Variants in DYM observed in about 807,000 individuals in gnomAD.
DYM encodes dyggve-Melchior-Clausen syndrome protein.
A neutral mutation model predicts 93.1 loss-of-function variants in DYM; 78 were observed. The observed-to-expected ratio is 0.84, with a 90% CI of 0.70 to 1.01. The LOEUF (loss-of-function observed/expected upper bound fraction) is 1.01. DYM is among the 50% of genes least tolerant of loss of function. The pLI is 0.00. For synonymous variants in DYM, 321 were observed against 319.7 expected, an observed-to-expected ratio of 1.00 and a Z score of -0.04; for missense variants, 789 against 845.0, an observed-to-expected ratio of 0.93 and a Z score of 0.82.
In DYM at chr18:49,421,147, T is replaced by C. The variant is rs571658307; in HGVS notation, c.140+9108A>G. On this transcript the variant is annotated intron_variant, in intron 2 of 17. Coordinates refer to ENST00000675505, the MANE Select transcript of DYM (RefSeq NM_001353214.3). ...CCATGTCTGACAGCTTTGAAGAGAG[T>C]AGTGGTTCTCCCAGCACGGAGTTTG... Among the ~76,000 whole-genome samples the C allele has an allele frequency of 4.4e-4, 67 of 152,006 alleles. 4 individuals are homozygous for C. The South Asian group carries it at 0.013, about 30-fold the overall frequency.
At chr18:49,402,697 C>G (rs1017383873) in intron 2 of DYM, among the ~76,000 whole-genome samples, 1 of 152,178 alleles carries the variant, frequency 6.6e-6, no homozygotes, top group East Asian at 1.9e-4. Context: ...TCTCTGCACC[C>G]ACTGGATTCA....
intron 16 of DYM, among the ~76,000 whole-genome samples, chr18:49,112,994 C>T (rs918750203): frequency 4.7e-5 from 7 of 149,900 alleles, no homozygotes; most frequent in Non-Finnish European, 8.9e-5. Flanking sequence ...CTTTCTTACT[C>T]TTTTTTTTTT....
rs759590893 is a variant in DYM, at chr18:49,041,279, C to T, written c.*2776G>A. On this transcript the variant is annotated 3_prime_UTR_variant, in exon 18 of 18. Transcript: ENST00000675505. Reference sequence around the variant, plus strand: ...AAGATGCTATTGAAAGGGACAAATTCTTTTAAAAGTAAATATTGTGGCAGA... The same window carrying T: ...AAGATGCTATTGAAAGGGACAAATTTTTTTAAAAGTAAATATTGTGGCAGA... Among the ~76,000 whole-genome samples the T allele has an allele frequency of 7.9e-5, 12 of 152,182 alleles. No homozygotes were observed. The highest frequency in any genetic ancestry group is 2.6e-4 in the Admixed American group (4 of 15,274).
Position 49,272,247 on chromosome 18 carries a change from C to A in DYM, c.1182G>T (p.Val394=), listed in dbSNP as rs866648614. 4.4e-6 allele frequency: 7 copies of A among 1,597,366 alleles called. No individual in the cohort carries two copies. Among genetic ancestry groups the A allele is most frequent in the African/African-American group, 1.3e-5 (1 of 74,682 alleles). Residue 394 remains valine (V), a synonymous_variant, in exon 11 of 18, where the codon GTG becomes GTT. Transcript: ENST00000675505. The stretch of plus-strand genomic sequence containing the variant: ...TCAACAATATTATAAGGGCCATATA[C>A]ACATGGTGTGAATTCCTTTCTTCAA... ...YHVEERNSHH[V]YMALIILLIL... is the part of the protein sequence containing the mutation.
rs61299099 is a variant in DYM at position 49,166,989 on chromosome 18, CGTGTGTGTGTGTGTGTGTGTGTGTGT to C, written c.1626-3228_1626-3203del. ...ACCTGGGATGTTCATTCTCACATTC[CGTGTGTGTGTGTGTGTGTGTGTGTGT>C]GTGTGTGTGTGTGTGTGTGCGCGCC... On this transcript the variant is annotated intron_variant, in intron 14 of 17. Transcript: ENST00000675505. 2.5e-3 allele frequency among the ~76,000 whole-genome samples: 361 copies of C among 142,028 alleles called. 5 individuals carry two copies. The highest frequency in any genetic ancestry group is 1.8e-3 in the Non-Finnish European group (118 of 65,244). 93.2% of individuals were successfully genotyped at this position (142,028 alleles called of 152,430 possible). A position where few individuals can be genotyped will look rare whatever the true frequency, so the allele number is the denominator to read the frequency against.
At chr18:49,220,777 CG>C (rs2093318323) in intron 13 of DYM, among the ~76,000 whole-genome samples, 1 of 152,098 alleles carries the variant, frequency 6.6e-6, no homozygotes, top group Non-Finnish European at 1.5e-5. Flanking sequence ...AAGACTTAAA[CG>C]TTTGACCTAA....
intron 8 of DYM, among the ~76,000 whole-genome samples, chr18:49,298,000 T>C (rs1347659648): frequency 1.3e-5 from 2 of 152,206 alleles, no homozygotes; most frequent in African/African-American, 4.8e-5. Context: ...AATCATGTTA[T>C]AATGCTAGGA....
chr18:49,123,345 A>G (rs1003147220), intron 15 of DYM, among the ~76,000 whole-genome samples: 11 of 152,210 alleles, frequency 7.2e-5, no homozygotes, highest in African/African-American at 2.7e-4. Flanking sequence ...CTGCAATCAT[A>G]CTAAAGACAG....
intron 8 of DYM, among the ~76,000 whole-genome samples, chr18:49,292,356 A>G (rs1227792378): frequency 6.5e-5 from 1 of 15,326 alleles, no homozygotes; most frequent in South Asian, 1.4e-3. Flanking sequence ...AGACAGACAG[A>G]CACACACACA....
At chr18:49,376,692 G>A (rs758472206) in intron 5 of DYM, among the ~76,000 whole-genome samples, 1 of 152,212 alleles carries the variant, frequency 6.6e-6, no homozygotes, top group Admixed American at 6.5e-5. Flanking sequence ...TTACAGAAAT[G>A]AAAGGCGATA....
At chr18:49,304,812 T>C (rs556873746) in intron 8 of DYM, among the ~76,000 whole-genome samples, 45 of 152,262 alleles carry the variant, frequency 3.0e-4, no homozygotes, top group African/African-American at 1.1e-3. Flanking sequence ...ACTACTCCCG[T>C]GCTCATTTTG....
intron 2 of DYM, among the ~76,000 whole-genome samples, chr18:49,421,211 C>T (rs1420332935): frequency 6.6e-6 from 1 of 152,174 alleles, no homozygotes; most frequent in Non-Finnish European, 1.5e-5. Context: ...CAAGTGGGTC[C>T]CTGACCCCTG....
In DYM at chr18:49,118,994, A is replaced by C. The variant is rs1264491570; in HGVS notation, c.1729-68T>G. 4.5e-6 allele frequency: 6 copies of C among 1,335,204 alleles called. No homozygotes were observed. The African/African-American group carries it at 8.7e-5, about 19-fold the overall frequency. 82.7% of individuals were successfully genotyped at this position (1,335,204 alleles called of 1,614,324 possible). On this transcript the variant is annotated intron_variant, in intron 15 of 17. Coordinates refer to ENST00000675505, the MANE Select transcript of DYM (RefSeq NM_001353214.3). ...TCCTTGCAACAGAATTAATGAAAAT[A>C]AGAGTAATTCCCTCAAAATTATAAC... is the stretch of plus-strand genomic sequence containing the variant.
intron 14 of DYM, among the ~76,000 whole-genome samples, chr18:49,171,441 G>A (rs1393198191): frequency 6.6e-6 from 1 of 152,090 alleles, no homozygotes; most frequent in African/African-American, 2.4e-5. Context: ...AAAGACCTGG[G>A]AGCAGATGAT....
At chr18:49,434,281 A>C (rs1000187023) in intron 1 of DYM, among the ~76,000 whole-genome samples, 4 of 150,998 alleles carry the variant, frequency 2.6e-5, no homozygotes, top group African/African-American at 9.8e-5. Flanking sequence ...TGGGAGGTGG[A>C]GGTTGCAGTG....
At chr18:49,123,689 C>G (rs1290872410) in intron 15 of DYM, among the ~76,000 whole-genome samples, 3 of 152,088 alleles carry the variant, frequency 2.0e-5, no homozygotes, top group African/African-American at 7.2e-5. Flanking sequence ...AAAATGTTTT[C>G]TTTTTATGAT....
At chr18:49,075,502 G>A (rs573931207) in intron 17 of DYM, among the ~76,000 whole-genome samples, 6 of 152,338 alleles carry the variant, frequency 3.9e-5, no homozygotes, top group Middle Eastern at 3.4e-3. Flanking sequence ...TGGAGCCAAG[G>A]AAATGTAGGG....
intron 14 of DYM, among the ~76,000 whole-genome samples, chr18:49,170,254 A>T (rs1275945691): frequency 6.6e-6 from 1 of 152,164 alleles, no homozygotes; most frequent in East Asian, 1.9e-4. Flanking sequence ...TGGTGGAGTC[A>T]GGAGTCAATG....
chr18:49,338,451 G>A (rs2063831965), intron 6 of DYM, among the ~76,000 whole-genome samples: 1 of 152,014 alleles, frequency 6.6e-6, no homozygotes, highest in Non-Finnish European at 1.5e-5. Context: ...TAAACAAATA[G>A]CCAAGTCAAC....
Sources: gnomAD v4.1 joint callset for allele counts (sites outside exome capture counted in the v4.1 genomes callset) on GRCh38, gnomAD v4.1.1 for gene constraint, MANE v1.5 for transcripts, NCBI Gene and HGNC (gene_info 2026-07-23, HGNC 2026-07-21) for gene names.